Variants in DNMT1 observed in about 807,000 individuals in gnomAD.
DNMT1 encodes DNA methyltransferase 1, also known as DNA (cytosine-5)-methyltransferase 1.
A neutral mutation model predicts 205.3 loss-of-function variants in DNMT1; 24 were observed. That is an observed-to-expected ratio of 0.12 (90% CI 0.08 to 0.16). The LOEUF is 0.16. DNMT1 is among the 10% of genes least tolerant of loss of function. DNMT1 has a pLI of 1.00. For synonymous variants in DNMT1, 817 were observed against 839.8 expected (o/e 0.97, Z 0.47); for missense variants, 1,293 against 2,177.7 (o/e 0.59, Z 8.09).
rs568735476 is a variant in DNMT1 at position 10,159,046 on chromosome 19, C to T, written c.1280+612G>A. Reference sequence around the variant, plus strand: ...CATTTCTGGCTCCGTGAAGGCAGGACCTGAGCAGCTACATCCACGACACCT... The same window carrying T: ...CATTTCTGGCTCCGTGAAGGCAGGATCTGAGCAGCTACATCCACGACACCT... On this transcript the variant is annotated intron_variant, in intron 17 of 40. Coordinates refer to ENST00000359526, the MANE Select transcript of DNMT1 (RefSeq NM_001130823.3). The surrounding 1 kb of genome is among the most constrained non-coding windows in gnomAD (Gnocchi z 5.0). Among the ~76,000 whole-genome samples, 6 of 152,202 alleles carry T rather than the reference C, an allele frequency of 3.9e-5. No homozygotes were observed. The highest frequency in any genetic ancestry group is 5.9e-5 in the Non-Finnish European group (4 of 68,040).
rs765745993 is a variant in DNMT1, at chr19:10,156,922, ACT to A, written c.1281-415_1281-414del. Among the ~76,000 whole-genome samples the A allele has an allele frequency of 7.9e-5, 12 of 152,056 alleles. No individual in the cohort carries two copies. Among genetic ancestry groups the A allele is most frequent in the Non-Finnish European group, 1.3e-4 (9 of 67,980 alleles). ...CTGAACCACCATGCCTGGCCCCGAC[ACT>A]CATTTTTTGGTTGCGGGAACACTGG... On this transcript the variant is annotated intron_variant, in intron 17 of 40. Transcript: ENST00000359526. This position sits in a 1 kb window ranked among gnomAD's most constrained non-coding sequence, Gnocchi z 4.2.
At chr19:10,168,792 G>A (rs1568245033) in intron 9 of DNMT1, among the ~76,000 whole-genome samples, 1 of 152,168 alleles carries the variant, frequency 6.6e-6, no homozygotes, top group Non-Finnish European at 1.5e-5. Context: ...AATCTGAAAA[G>A]TAGCTCCAAC....
intron 1 of DNMT1, among the ~76,000 whole-genome samples, chr19:10,185,491 T>C (rs1389721366): frequency 1.3e-5 from 2 of 150,712 alleles, no homozygotes; most frequent in East Asian, 2.0e-4. Context: ...AGTGGTAATA[T>C]AGACTGTATA....
chr19:10,165,585 A>G (rs2038673651), intron 11 of DNMT1, among the ~76,000 whole-genome samples: 1 of 151,788 alleles, frequency 6.6e-6, no homozygotes, highest in Non-Finnish European at 1.5e-5. Flanking sequence ...GTGACACCGG[A>G]TTTCACCATG....
intron 19 of DNMT1, among the ~76,000 whole-genome samples, chr19:10,155,568 C>T (rs1599367175): frequency 6.6e-6 from 1 of 152,100 alleles, no homozygotes; most frequent in Non-Finnish European, 1.5e-5. Flanking sequence ...GTCTCGAATT[C>T]CTGGCCTCAA....
chr19:10,149,085 A>G, intron 26 of DNMT1, 68 bp from the exon 27 acceptor site: 2 of 1,597,206 alleles, frequency 1.3e-6, no homozygotes, highest in African/African-American at 2.7e-5. Context: ...GCACTATGGG[A>G]GGCCGAGGCG....
intron 6 of DNMT1, among the ~76,000 whole-genome samples, chr19:10,175,984 G>A (rs1211037196): frequency 1.3e-5 from 2 of 152,026 alleles, no homozygotes; most frequent in African/African-American, 4.8e-5. Context: ...CCTGGCCAAC[G>A]TGGTAAAACC....
intron 6 of DNMT1, 75 bp from the exon 7 acceptor site, chr19:10,175,693 T>A: frequency 7.2e-7 from 1 of 1,380,958 alleles, no homozygotes; most frequent in Non-Finnish European, 1.0e-6. Flanking sequence ...TGGACCCTCA[T>A]TCACCAGGAT....
At chr19:10,135,978 G>T in intron 38 of DNMT1, 126 bp from the exon 39 acceptor site, 1 of 1,484,818 alleles carries the variant, frequency 6.7e-7, no homozygotes, top group Non-Finnish European at 9.1e-7. Flanking sequence ...TTGTCCCGTG[G>T]ACGTGGAGGG....
At chr19:10,182,453 GTATATATATGTGTGTA>G (rs2039077925) in intron 1 of DNMT1, among the ~76,000 whole-genome samples, 1 of 119,850 alleles carries the variant, frequency 8.3e-6, no homozygotes, top group Non-Finnish European at 1.8e-5. Flanking sequence ...ATATATATGT[GTATATATATGTGTGTA>G]TATATATACA....
chr19:10,175,801 C>T lies in DNMT1; in HGVS notation c.570-183G>A, dbSNP rs973993932. 7.2e-5 allele frequency among the ~76,000 whole-genome samples: 11 copies of T among 152,228 alleles called. No homozygotes were observed. The South Asian group carries it at 8.3e-4, about 11-fold the overall frequency. ...CCTAAGAAATCACGGGTCTAAACACCGATCAACAGCTGCTAGTGTCAGAGA... is the reference window on the plus strand; with the variant it reads ...CCTAAGAAATCACGGGTCTAAACACTGATCAACAGCTGCTAGTGTCAGAGA... On this transcript the variant is annotated intron_variant, in intron 6 of 40. Transcript: ENST00000359526.
intron 9 of DNMT1, among the ~76,000 whole-genome samples, chr19:10,172,698 C>T (rs1056122235): frequency 2.0e-5 from 3 of 151,840 alleles, no homozygotes; most frequent in African/African-American, 7.3e-5. Context: ...GCCTGTAGTC[C>T]CAGTGACTCA....
At chr19:10,191,841 A>T (rs879927077) in intron 1 of DNMT1, among the ~76,000 whole-genome samples, 145 of 147,812 alleles carry the variant, frequency 9.8e-4, no homozygotes, top group Non-Finnish European at 1.6e-3. Flanking sequence ...AAAAAAAAAA[A>T]TTTTTTTTTT....
chr19:10,151,532 C>A lies in DNMT1; in HGVS notation c.2131G>T (p.Ala711Ser). The change falls in exon 24 of 41, where the codon GCC becomes TCC. Residue 711 changes from alanine to serine, a missense_variant. Physicochemically the swap from Ala to Ser is moderately conservative, Grantham distance 99 (BLOSUM62 1). Transcript: ENST00000359526. This position sits in a 1 kb window ranked among gnomAD's most constrained non-coding sequence, Gnocchi z 5.0. ...TCATCGTCATCTGCCTCCTTCATGG[C>A]CATATTGGGACACCTGCAATGTCAC... ...ACQERRCPNMAMKEADDDEEV... is the reference protein window; with the variant it reads ...ACQERRCPNMSMKEADDDEEV... The A allele has an allele frequency of 6.2e-7, 1 of 1,613,930 alleles. No homozygotes were observed.
intron 5 of DNMT1, among the ~76,000 whole-genome samples, chr19:10,179,161 A>C (rs2038992874): frequency 6.6e-6 from 1 of 150,796 alleles, no homozygotes; most frequent in African/African-American, 2.4e-5. Context: ...TTTCCATTAG[A>C]GTTCCTTTGC....
chr19:10,166,272 GCTGA>G (rs1462368090), intron 11 of DNMT1, among the ~76,000 whole-genome samples: 1 of 152,184 alleles, frequency 6.6e-6, no homozygotes, highest in Non-Finnish European at 1.5e-5. Flanking sequence ...GTGCGTCAGA[GCTGA>G]CTGTGTGTCA....
intron 22 of DNMT1, among the ~76,000 whole-genome samples, chr19:10,152,138 C>T (rs1163884830): frequency 3.6e-5 from 3 of 84,090 alleles, no homozygotes; most frequent in East Asian, 4.8e-4. Context: ...CCAGCCTGGA[C>T]GACAAGAGTA....
In DNMT1 at chr19:10,148,960, G is replaced by A; in HGVS notation, c.2644C>T (p.Gln882Ter). 6.2e-7 allele frequency: 1 copy of A among 1,614,122 alleles called. No homozygotes were observed. The highest frequency in any genetic ancestry group is 8.5e-7 in the Non-Finnish European group (1 of 1,180,016). Reference protein sequence around the residue: ...EGDDGKTYFYQLWYDQDYARF... With the variant: ...EGDDGKTYFY ...GCGTAGTCTTGATCATACCACAGCTGGTAGAAGTAGGTCTTCCCGTCGTCC... is the reference window on the plus strand; with the variant it reads ...GCGTAGTCTTGATCATACCACAGCTAGTAGAAGTAGGTCTTCCCGTCGTCC... Residue 882 changes from glutamine to a stop codon, truncating the protein, a stop_gained, in exon 27 of 41, where the codon CAG becomes TAG. Transcript: ENST00000359526. LOFTEE classifies it high-confidence loss of function.
chr19:10,151,774 C>T lies in DNMT1; in HGVS notation c.2093G>A (p.Ser698Asn). ...DMVKFGGSGRSKQACQERRCP... is the reference protein window; with the variant it reads ...DMVKFGGSGRNKQACQERRCP... ...CCTCCGCTCTTGGCAAGCCTGCTTG[C>T]TCCGTCCACTGCCACCAAATTTAAC... The change falls in exon 23 of 41, where the codon AGC becomes AAC. Residue 698 changes from serine to asparagine, a missense_variant. Physicochemically the swap from Ser to Asn is conservative, Grantham distance 46. This residue lies in a region of DNMT1 where 197 missense variants were observed against 353.6 expected (regional missense o/e 0.56). Transcript: ENST00000359526. The surrounding 1 kb of genome is among the most constrained non-coding windows in gnomAD (Gnocchi z 5.0). 1 of 1,614,182 alleles carries T rather than the reference C, an allele frequency of 6.2e-7. No individual in the cohort carries two copies. Among genetic ancestry groups the T allele is most frequent in the Non-Finnish European group, 8.5e-7 (1 of 1,180,042 alleles).
Sources: allele counts gnomAD v4.1 joint callset (sites outside exome capture counted in the v4.1 genomes callset), GRCh38; gene constraint gnomAD v4.1.1; regional missense constraint gnomAD v4.1.1; non-coding constraint Gnocchi (gnomAD v3.1); transcripts MANE v1.5; gene names NCBI Gene and HGNC (gene_info 2026-07-23, HGNC 2026-07-21).